The following PALS2 variants were observed in gnomAD, a reference collection of about 807,000 sequenced individuals.
The protein encoded by PALS2 is protein associated with LIN7 2, MAGUK p55 family member.
PALS2 carries 27 observed loss-of-function variants against 61.6 expected under a neutral mutation model. The ratio of observed to expected loss-of-function variants is 0.44; its 90% CI spans 0.32 to 0.60. The LOEUF is 0.60. Among genes scored for constraint, PALS2 ranks in the 20% least tolerant of loss-of-function variants. The pLI is 0.05. For missense variants in PALS2, 554 were observed against 639.4 expected (o/e 0.87, Z 1.44); for synonymous variants, 236 against 218.6 (o/e 1.08, Z -0.70).
rs762267178 is a variant in PALS2 at position 24,680,473 on chromosome 7, A to T, written c.1399A>T (p.Met467Leu). 6 of 1,614,116 alleles carry T rather than the reference A, an allele frequency of 3.7e-6. No individual in the cohort carries two copies. Among genetic ancestry groups the T allele is most frequent in the Non-Finnish European group, 5.1e-6 (6 of 1,179,964 alleles). Residue 467 changes from methionine (M) to leucine (L), a missense_variant, in exon 11 of 12, where the codon ATG (methionine) becomes TTG (leucine). Met to Leu is a conservative substitution (Grantham distance 15, BLOSUM62 2). Transcript: ENST00000222644. ...TCCGGAGCTAGAGACGTTACGTGCC[A>T]TGCACAAGGCTGTGGTGGATGCAGG... ...AAPELETLRAMHKAVVDAGIT... is the reference protein window; with the variant it reads ...AAPELETLRALHKAVVDAGIT...
At chr7:24,673,224 A>G (rs1336661390) in intron 9 of PALS2, among the ~76,000 whole-genome samples, 2 of 152,124 alleles carry the variant, frequency 1.3e-5, no homozygotes, top group Admixed American at 1.3e-4. Context: ...TATATATTGA[A>G]CCAACCTTGT....
chr7:24,646,404 G>C (rs1467301894), intron 3 of PALS2, among the ~76,000 whole-genome samples: 1 of 152,072 alleles, frequency 6.6e-6, no homozygotes, highest in East Asian at 1.9e-4. Flanking sequence ...GCTCTATTGA[G>C]GTAATTATGT....
At chr7:24,607,462 A>C (rs1186246495) in intron 1 of PALS2, among the ~76,000 whole-genome samples, 1 of 148,492 alleles carries the variant, frequency 6.7e-6, no homozygotes, top group South Asian at 2.1e-4. Context: ...ATGTATGTGT[A>C]TCTCTCTCTC....
intron 3 of PALS2, among the ~76,000 whole-genome samples, chr7:24,648,917 A>G (rs1045047774): frequency 6.6e-6 from 1 of 151,858 alleles, no homozygotes; most frequent in Non-Finnish European, 1.5e-5. Flanking sequence ...AAAAGAAAAA[A>G]AAAAAGCAAT....
At chr7:24,644,086 TTC>T (rs948542652) in intron 3 of PALS2, among the ~76,000 whole-genome samples, 1 of 145,144 alleles carries the variant, frequency 6.9e-6, no homozygotes, top group Non-Finnish European at 1.5e-5. Flanking sequence ...AATCAATATT[TTC>T]TTTTTTCTTT....
At chr7:24,612,455 A>G (rs1784148754) in intron 1 of PALS2, among the ~76,000 whole-genome samples, 1 of 151,856 alleles carries the variant, frequency 6.6e-6, no homozygotes, top group Non-Finnish European at 1.5e-5. Context: ...ATTTACCCAA[A>G]ATGCTTTTGG....
At chr7:24,644,617 A>G (rs1377836409) in intron 3 of PALS2, among the ~76,000 whole-genome samples, 1 of 151,808 alleles carries the variant, frequency 6.6e-6, no homozygotes, top group Admixed American at 6.6e-5. Context: ...ATTTGCATGC[A>G]TGTCTTTATG....
intron 1 of PALS2, among the ~76,000 whole-genome samples, chr7:24,584,736 C>T (rs1782991531): frequency 1.3e-5 from 2 of 151,856 alleles, no homozygotes; most frequent in Non-Finnish European, 2.9e-5. Context: ...AAGTGCTTGC[C>T]CATGCCTATG....
chr7:24,687,523 A>G lies in PALS2; in HGVS notation c.1532A>G (p.Asp511Gly). 2 of 1,613,280 alleles carry G rather than the reference A, an allele frequency of 1.2e-6. No individual in the cohort carries two copies. The highest frequency in any genetic ancestry group is 1.7e-6 in the Non-Finnish European group (2 of 1,179,724). ...TATTTTGATTTGATCATCATAAATG[A>G]TAATCTAGACAAAGCCTTTGAAAAA... Reference protein sequence around the residue: ...NHYFDLIIINDNLDKAFEKLQ... With the variant: ...NHYFDLIIINGNLDKAFEKLQ... Residue 511 changes from aspartate to glycine, a missense_variant, in exon 12 of 12, where the codon GAT becomes GGT. Physicochemically the swap from Asp to Gly is moderately conservative, Grantham distance 94. Transcript: ENST00000222644. The surrounding 1 kb of genome is among the most constrained non-coding windows in gnomAD (Gnocchi z 4.5).
At chr7:24,682,828 G>GT (rs1368156927) in intron 11 of PALS2, among the ~76,000 whole-genome samples, 2 of 152,030 alleles carry the variant, frequency 1.3e-5, no homozygotes, top group African/African-American at 2.4e-5. Context: ...CCTACAGCAT[G>GT]TTCCATAGTC....
intron 11 of PALS2, among the ~76,000 whole-genome samples, chr7:24,683,073 G>A (rs1788016546): frequency 6.6e-6 from 1 of 152,164 alleles, no homozygotes; most frequent in Non-Finnish European, 1.5e-5. Flanking sequence ...TTGTTAGCCT[G>A]ATCTATAAAG....
Position 24,641,780 on chromosome 7 carries a change from A to G in PALS2, c.182A>G (p.Asn61Ser), listed in dbSNP as rs2128071576. The change falls in exon 3 of 12, where the codon AAT becomes AGT. Residue 61 changes from asparagine to serine, a missense_variant. Physicochemically the swap from Asn to Ser is conservative, Grantham distance 46. Transcript: ENST00000222644. ...AVSDNNLELV[N>S]EILEDITPLI... is the part of the protein sequence containing the mutation. ...AGTGACAATAACTTGGAATTAGTCA[A>G]TGAAATTCTTGAAGACATCACTCCT... 6 of 1,612,962 alleles carry G rather than the reference A, an allele frequency of 3.7e-6. No individual in the cohort carries two copies. Among genetic ancestry groups the G allele is most frequent in the South Asian group, 1.1e-5 (1 of 90,936 alleles).
chr7:24,579,753 A>G (rs1352631842), intron 1 of PALS2, among the ~76,000 whole-genome samples: 1 of 152,246 alleles, frequency 6.6e-6, no homozygotes, highest in Admixed American at 6.5e-5. Context: ...TGTTTTTGGA[A>G]GAAATCTTTT....
intron 11 of PALS2, 68 bp downstream of exon 11, chr7:24,680,588 T>G (rs1365513561): frequency 6.7e-7 from 1 of 1,497,186 alleles, no homozygotes; most frequent in Non-Finnish European, 9.0e-7. Context: ...AACTGTTATC[T>G]AATTTATTTT....
rs146389261 is a variant in PALS2, at chr7:24,679,266, C to A, written c.1250C>A (p.Thr417Asn). 1 of 1,613,922 alleles carries A rather than the reference C, an allele frequency of 6.2e-7. No homozygotes were observed. Among genetic ancestry groups the A allele is most frequent in the Non-Finnish European group, 8.5e-7 (1 of 1,179,944 alleles). Residue 417 changes from threonine (T) to asparagine (N), a missense_variant, in exon 10 of 12, where the codon ACC becomes AAC. By Grantham distance (65) the Thr-to-Asn change is moderately conservative. Coordinates refer to ENST00000222644, the MANE Select transcript of PALS2 (RefSeq NM_001303037.2). ...HGEYEGNLYG[T>N]KIDSILEVVQ... The stretch of plus-strand genomic sequence containing the variant: ...GAATATGAAGGAAATCTCTATGGAA[C>A]CAAAATTGATTCTATTCTTGAGGTT...
chr7:24,623,855 T>TA (rs1221531391), intron 2 of PALS2, 71 bp downstream of exon 2: 1 of 1,203,382 alleles, frequency 8.3e-7, no homozygotes, highest in Non-Finnish European at 1.2e-6. Context: ...TTTCAGATAT[T>TA]ACTATTTTAG....
intron 3 of PALS2, among the ~76,000 whole-genome samples, chr7:24,647,333 G>C (rs1785892829): frequency 6.6e-6 from 1 of 151,970 alleles, no homozygotes; most frequent in Non-Finnish European, 1.5e-5. Context: ...ATTTTTAGTA[G>C]AGACAGTGTT....
At chr7:24,686,831 T>C (rs996771993) in intron 11 of PALS2, among the ~76,000 whole-genome samples, 1 of 152,220 alleles carries the variant, frequency 6.6e-6, no homozygotes, top group Non-Finnish European at 1.5e-5. Flanking sequence ...AACCCATTGC[T>C]TATGTACTCC....
At chr7:24,649,887 C>A in intron 4 of PALS2, 123 bp downstream of exon 4, 1 of 960,684 alleles carries the variant, frequency 1.0e-6, no homozygotes, top group Non-Finnish European at 1.4e-6. Flanking sequence ...TCTTGTTTGG[C>A]CTGTGTATAA....
Sources: gnomAD v4.1 joint callset for allele counts (sites outside exome capture counted in the v4.1 genomes callset) on GRCh38, gnomAD v4.1.1 for gene constraint, Gnocchi (gnomAD v3.1) non-coding constraint, MANE v1.5 for transcripts, NCBI Gene and HGNC (gene_info 2026-07-23, HGNC 2026-07-21) for gene names.